The following CFAP95 variants were observed in gnomAD, a reference collection of about 807,000 sequenced individuals.
CFAP95 encodes the protein cilia- and flagella-associated protein 95.
the CFAP95 span, among the ~76,000 whole-genome samples, chr9:69,867,949 A>T: frequency 6.6e-6 from 1 of 152,236 alleles, no homozygotes; most frequent in African/African-American, 2.4e-5. Flanking sequence ...ATTCCACAGA[A>T]TAATCAGAGA....
At chr9:69,829,780 C>A in the CFAP95 span, among the ~76,000 whole-genome samples, 9 of 152,176 alleles carry the variant, frequency 5.9e-5, no homozygotes, top group Non-Finnish European at 4.4e-5. Flanking sequence ...GAGAAGTTCA[C>A]ACTGAGAAGC....
At chr9:69,823,580 A>G in the CFAP95 span, among the ~76,000 whole-genome samples, 1 of 152,318 alleles carries the variant, frequency 6.6e-6, no homozygotes, top group South Asian at 2.1e-4. Context: ...ACACCCTTTA[A>G]CACATGGCCT....
the CFAP95 span, among the ~76,000 whole-genome samples, chr9:69,836,396 G>T: frequency 1.3e-5 from 2 of 152,080 alleles, no homozygotes; most frequent in Non-Finnish European, 2.9e-5. Flanking sequence ...TCCTCTACCC[G>T]CTAGACACTG....
At chr9:69,871,715 G>A in the CFAP95 span, among the ~76,000 whole-genome samples, 1 of 152,156 alleles carries the variant, frequency 6.6e-6, no homozygotes, top group Non-Finnish European at 1.5e-5. Context: ...GTGAAGTCAG[G>A]AGGAAGAGCC....
the CFAP95 span, among the ~76,000 whole-genome samples, chr9:69,851,932 G>T: frequency 6.6e-6 from 1 of 151,666 alleles, no homozygotes; most frequent in African/African-American, 2.4e-5. Context: ...GCTTGAAGAG[G>T]TAGTTGTGGA....
the CFAP95 span, among the ~76,000 whole-genome samples, chr9:69,830,331 A>G: frequency 1.3e-5 from 2 of 152,194 alleles, no homozygotes; most frequent in South Asian, 4.1e-4. Context: ...ACGAACAAGG[A>G]GGACGCATCC....
At chr9:69,856,633 T>C in the CFAP95 span, 1 of 1,612,746 alleles carries the variant, frequency 6.2e-7, no homozygotes, top group African/African-American at 1.3e-5. Flanking sequence ...GAGCAAGGCT[T>C]TATTGAATGA....
chr9:69,883,487 C>G, the CFAP95 span, among the ~76,000 whole-genome samples: 5 of 152,126 alleles, frequency 3.3e-5, no homozygotes, highest in Non-Finnish European at 7.4e-5. Flanking sequence ...GGCTGATGCC[C>G]TTTGGATTCA....
chr9:69,843,509 CCTCCTCCTCCTCCTCCTCCTCCT>C, the CFAP95 span, among the ~76,000 whole-genome samples: 1 of 952 alleles, frequency 1.1e-3, no homozygotes, highest in Non-Finnish European at 2.6e-3. Flanking sequence ...CTCCCCCCCT[CCTCCTCCTCCTCCTCCTCCTCCT>C]CCTCCTCCTC....
chr9:69,853,417 C>A, the CFAP95 span, among the ~76,000 whole-genome samples: 1 of 152,136 alleles, frequency 6.6e-6, no homozygotes, highest in Non-Finnish European at 1.5e-5. Flanking sequence ...TTCCTCTATC[C>A]ATTAGATATT....
the CFAP95 span, among the ~76,000 whole-genome samples, chr9:69,843,547 TCC>T: frequency 0.14 from 3,773 of 26,190 alleles, 1,036 homozygotes; most frequent in South Asian, 0.22. Flanking sequence ...CTCCTCCTCC[TCC>T]TCCTCCTCCT....
chr9:69,867,747 A>G, the CFAP95 span, among the ~76,000 whole-genome samples: 3 of 152,234 alleles, frequency 2.0e-5, no homozygotes, highest in Non-Finnish European at 2.9e-5. Flanking sequence ...CCCAAGACAC[A>G]TGGAGAAGCC....
At chr9:69,844,597 A>T in the CFAP95 span, 1 of 1,613,334 alleles carries the variant, frequency 6.2e-7, no homozygotes, top group Non-Finnish European at 8.5e-7. Flanking sequence ...AATTCAACAT[A>T]TCGGCGACTG....
At chr9:69,877,238 A>T in the CFAP95 span, among the ~76,000 whole-genome samples, 1 of 152,132 alleles carries the variant, frequency 6.6e-6, no homozygotes, top group South Asian at 2.1e-4. Context: ...CCAAATTCCT[A>T]TATTTAAGCA....
chr9:69,887,127 G>T, the CFAP95 span, among the ~76,000 whole-genome samples: 1 of 152,122 alleles, frequency 6.6e-6, no homozygotes, highest in East Asian at 1.9e-4. Flanking sequence ...AAGTATATTA[G>T]ACACTTTCTT....
At chr9:69,832,067 C>CA in the CFAP95 span, among the ~76,000 whole-genome samples, 5 of 152,116 alleles carry the variant, frequency 3.3e-5, no homozygotes, top group African/African-American at 1.2e-4. Context: ...AGGGTGTGAA[C>CA]AGCAACTCTC....
At chr9:69,850,056 G>A in the CFAP95 span, among the ~76,000 whole-genome samples, 1 of 152,086 alleles carries the variant, frequency 6.6e-6, no homozygotes. Flanking sequence ...AATCACTTAT[G>A]TTACCTTCCT....
At chr9:69,898,623 TAC>T in the CFAP95 span, among the ~76,000 whole-genome samples, 1 of 152,198 alleles carries the variant, frequency 6.6e-6, no homozygotes, top group African/African-American at 2.4e-5. Flanking sequence ...GTGTCTGTGG[TAC>T]AGTTTTCAAT....
At chr9:69,877,823 A>G in the CFAP95 span, among the ~76,000 whole-genome samples, 1 of 152,204 alleles carries the variant, frequency 6.6e-6, no homozygotes, top group South Asian at 2.1e-4. Context: ...TAGGCTCTCT[A>G]GTGCATTATT....
Sources: allele counts gnomAD v4.1 joint callset (sites outside exome capture counted in the v4.1 genomes callset), GRCh38; gene constraint gnomAD v4.1.1; transcripts MANE v1.5; gene names NCBI Gene and HGNC (gene_info 2026-07-23, HGNC 2026-07-21).